The following GALNT13 variants were observed in gnomAD, a reference collection of about 807,000 sequenced individuals.
GALNT13 encodes polypeptide N-acetylgalactosaminyltransferase 13, also known as UDP-GalNAc:polypeptide N-acetylgalactosaminyltransferase 13.
In GALNT13, 28 loss-of-function variants were observed where a neutral mutation model predicts 64.2. The observed-to-expected ratio is 0.44, with a 90% CI of 0.32 to 0.60. GALNT13 has a LOEUF of 0.60. GALNT13 is among the 20% of genes least tolerant of loss of function. The probability of loss-of-function intolerance (pLI) is 0.05; values close to 1 mark genes in which losing one functional copy is unlikely to be tolerated. For missense variants in GALNT13, 577 were observed against 669.8 expected, an observed-to-expected ratio of 0.86 and a Z score of 1.53; for synonymous variants, 214 against 224.6, an observed-to-expected ratio of 0.95 and a Z score of 0.42.
intron 3 of GALNT13, among the ~76,000 whole-genome samples, chr2:154,133,565 TA>T (rs1682766518): frequency 1.8e-5 from 1 of 54,486 alleles, no homozygotes; most frequent in Non-Finnish European, 5.3e-5. Context: ...TATATATATA[TA>T]TATATATATA....
chr2:153,105,366 C>T, the GALNT13 span, among the ~76,000 whole-genome samples: 231 of 152,118 alleles, frequency 1.5e-3, 1 homozygote, highest in Middle Eastern at 0.01. Context: ...ATTGATGGGA[C>T]GTATCTCAAA....
the GALNT13 span, among the ~76,000 whole-genome samples, chr2:153,145,556 C>T: frequency 4.9e-4 from 75 of 151,844 alleles, no homozygotes; most frequent in African/African-American, 1.7e-3. Context: ...ATTTTGGAAC[C>T]CCAGGTCTTT....
chr2:153,723,624 A>G, the GALNT13 span, among the ~76,000 whole-genome samples: 8 of 152,238 alleles, frequency 5.3e-5, no homozygotes, highest in East Asian at 1.5e-3. Context: ...TACAATATCA[A>G]TGTACAAAAA....
chr2:153,704,492 C>G, the GALNT13 span, among the ~76,000 whole-genome samples: 1 of 152,106 alleles, frequency 6.6e-6, no homozygotes, highest in East Asian at 1.9e-4. Context: ...ATATAATATA[C>G]TTCTCTCTCA....
chr2:153,563,210 C>A, the GALNT13 span, among the ~76,000 whole-genome samples: 1 of 151,758 alleles, frequency 6.6e-6, no homozygotes, highest in African/African-American at 2.4e-5. Context: ...ATTTTGTTTT[C>A]CCTTAAAAAA....
intron 4 of GALNT13, among the ~76,000 whole-genome samples, chr2:154,239,853 G>A (rs78554275): frequency 0.025 from 3,873 of 152,182 alleles, 171 homozygotes; most frequent in African/African-American, 0.088. Context: ...AAAAAATAAT[G>A]AAGATCTTAA....
At chr2:153,690,209 A>C in the GALNT13 span, among the ~76,000 whole-genome samples, 1 of 152,098 alleles carries the variant, frequency 6.6e-6, no homozygotes, top group Admixed American at 6.6e-5. Context: ...TATTACTGAG[A>C]TATTCTGTGC....
intron 3 of GALNT13, among the ~76,000 whole-genome samples, chr2:154,121,500 A>T (rs1052992158): frequency 2.0e-5 from 3 of 152,080 alleles, no homozygotes; most frequent in Admixed American, 6.6e-5. Context: ...TTTTATCTGA[A>T]TTTTGTAGTC....
chr2:153,901,245 T>A (rs1356536093), intron 2 of GALNT13, among the ~76,000 whole-genome samples: 1 of 152,204 alleles, frequency 6.6e-6, no homozygotes, highest in Non-Finnish European at 1.5e-5. Context: ...TGGTATAGTT[T>A]GAAGTCGGGT....
At chr2:154,211,651 A>AAAAAG (rs1559027479) in intron 4 of GALNT13, among the ~76,000 whole-genome samples, 104 of 147,886 alleles carry the variant, frequency 7.0e-4, no homozygotes, top group African/African-American at 2.4e-3. Context: ...AAAAAAAAAA[A>AAAAAG]AAAAGAAAAG....
At chr2:153,854,090 G>A in the GALNT13 span, among the ~76,000 whole-genome samples, 1 of 151,648 alleles carries the variant, frequency 6.6e-6, no homozygotes, top group African/African-American at 2.4e-5. Flanking sequence ...TGTAAGCGTT[G>A]TAAAGAAACA....
At chr2:153,198,954 G>T in the GALNT13 span, among the ~76,000 whole-genome samples, 1 of 152,030 alleles carries the variant, frequency 6.6e-6, no homozygotes, top group African/African-American at 2.4e-5. Flanking sequence ...CTCTTTTAGT[G>T]CCTGGGACTG....
At chr2:153,865,005 G>A in the GALNT13 span, among the ~76,000 whole-genome samples, 249 of 149,608 alleles carry the variant, frequency 1.7e-3, 5 homozygotes, top group East Asian at 0.036. Context: ...AAATAACGCC[G>A]CCTACCTACA....
At chr2:153,777,257 A>G in the GALNT13 span, among the ~76,000 whole-genome samples, 1 of 152,186 alleles carries the variant, frequency 6.6e-6, no homozygotes, top group African/African-American at 2.4e-5. Context: ...ACAAATGAAT[A>G]AGAAGTCACC....
At chr2:153,824,317 G>T in the GALNT13 span, among the ~76,000 whole-genome samples, 2 of 152,076 alleles carry the variant, frequency 1.3e-5, no homozygotes, top group Non-Finnish European at 2.9e-5. Context: ...GCAGTTTGGA[G>T]ATTTCTCAAA....
intron 3 of GALNT13, among the ~76,000 whole-genome samples, chr2:154,038,393 G>T (rs553261810): frequency 2.0e-5 from 3 of 152,086 alleles, no homozygotes; most frequent in Non-Finnish European, 4.4e-5. Flanking sequence ...TAACCAAGCA[G>T]CATGATATTG....
the GALNT13 span, among the ~76,000 whole-genome samples, chr2:153,185,881 T>C: frequency 6.6e-6 from 1 of 152,230 alleles, no homozygotes; most frequent in Admixed American, 6.5e-5. Flanking sequence ...CTTCCAATTA[T>C]GTGATCGATT....
chr2:154,271,276 G>A (rs999074907), intron 8 of GALNT13, among the ~76,000 whole-genome samples: 1 of 152,040 alleles, frequency 6.6e-6, no homozygotes, highest in East Asian at 1.9e-4. Context: ...TCTGTGCAAC[G>A]CATAGAATAA....
At position 154,188,014 on chromosome 2, in the gene GALNT13, TTCTCTCTCTCTCTC is replaced by T. The variant is rs10635676; in HGVS notation, c.311+47530_311+47543del. ...TAGTGATGTAGCTAGGCATCAGGCA[TTCTCTCTCTCTCTC>T]TCTCTCTCTCTCTCTCTCTCCTGTT... On this transcript the variant is annotated intron_variant, in intron 4 of 12. Transcript: ENST00000392825. Among the ~76,000 whole-genome samples, 17 of 144,440 alleles carry T rather than the reference TTCTCTCTCTCTCTC, an allele frequency of 1.2e-4. No homozygotes were observed. In the East Asian group the frequency reaches 2.9e-3, roughly 24 times the overall value. 94.8% of individuals were successfully genotyped at this position (144,440 alleles called of 152,430 possible).
Sources: allele counts gnomAD v4.1 joint callset (sites outside exome capture counted in the v4.1 genomes callset), GRCh38; gene constraint gnomAD v4.1.1; transcripts MANE v1.5; gene names NCBI Gene and HGNC (gene_info 2026-07-23, HGNC 2026-07-21).